Variants in CSMD1 observed in about 807,000 individuals in gnomAD.
CSMD1 encodes the protein CUB and sushi domain-containing protein 1.
A neutral mutation model predicts 417.5 loss-of-function variants in CSMD1; 213 were observed. That is an observed-to-expected ratio of 0.51 (90% confidence interval 0.46 to 0.57). CSMD1 has a LOEUF of 0.57. Among genes scored for constraint, CSMD1 ranks in the 20% least tolerant of loss-of-function variants. CSMD1 has a pLI of 0.00. For missense variants in CSMD1, 6,923 were observed against 4,529.7 expected (o/e 1.53, Z -15.17); for synonymous variants, 2,862 against 1,736.8 (o/e 1.65, Z -16.11).
chr8:3,809,650 C>T (rs1473156607), intron 5 of CSMD1, among the ~76,000 whole-genome samples: 1 of 152,142 alleles, frequency 6.6e-6, no homozygotes, highest in Non-Finnish European at 1.5e-5. Flanking sequence ...AATTCTCATT[C>T]TAACATCAGG....
intron 10 of CSMD1, among the ~76,000 whole-genome samples, chr8:3,502,064 TA>T (rs1290572318): frequency 4.6e-5 from 7 of 152,136 alleles, no homozygotes; most frequent in Non-Finnish European, 8.8e-5. Flanking sequence ...AATAATCATA[TA>T]TCTTGGAATT....
intron 7 of CSMD1, among the ~76,000 whole-genome samples, chr8:3,635,125 C>G (rs954589437): frequency 1.1e-4 from 17 of 152,148 alleles, no homozygotes; most frequent in African/African-American, 4.1e-4. Flanking sequence ...CTCTGGGTGA[C>G]TCAGTAAGTG....
chr8:3,010,554 G>C (rs1024778716), intron 52 of CSMD1, among the ~76,000 whole-genome samples: 4 of 151,998 alleles, frequency 2.6e-5, no homozygotes, highest in African/African-American at 4.8e-5. Context: ...CATCTATGCT[G>C]TTGCCACCAG....
Position 4,250,418 on chromosome 8 carries a change from G to C in CSMD1, c.415+169535C>G, listed in dbSNP as rs187604971. Among the ~76,000 whole-genome samples the C allele has an allele frequency of 1.8e-3, 275 of 152,196 alleles. 2 individuals carry two copies. The highest frequency in any genetic ancestry group is 6.4e-3 in the African/African-American group (267 of 41,514). ...TGCTGGTTGAGGATCCAATATTGTA[G>C]CCACTGCTCCCTGGGGAACATGCGT... is the stretch of plus-strand genomic sequence containing the variant. On this transcript the variant is annotated intron_variant, in intron 3 of 69. Coordinates refer to ENST00000635120, the MANE Select transcript of CSMD1 (RefSeq NM_033225.6).
rs114257631 is a variant in CSMD1 at position 4,511,786 on chromosome 8, A to C, written c.303-91721T>G. On this transcript the variant is annotated intron_variant, in intron 2 of 69. Coordinates refer to ENST00000635120, the MANE Select transcript of CSMD1 (RefSeq NM_033225.6). ...ATGACATTAGTTTTACTCCAAGAGG[A>C]CTCAATCATCAGGGGTCTACACATT... Among the ~76,000 whole-genome samples the C allele has an allele frequency of 1.2e-3, 190 of 152,214 alleles. 1 individual carries two copies. The highest frequency in any genetic ancestry group is 4.5e-3 in the African/African-American group (186 of 41,546).
At chr8:2,977,470 T>C (rs1805024910) in intron 55 of CSMD1, among the ~76,000 whole-genome samples, 1 of 152,242 alleles carries the variant, frequency 6.6e-6, no homozygotes. Context: ...CCACGGTGTG[T>C]ATGTACCACG....
chr8:3,306,308 G>GGATTACA lies in CSMD1; in HGVS notation c.3950+1380_3950+1386dup, dbSNP rs978545597. ...TCTGCCTCAGTATCCTGAGTAGCTG[G>GGATTACA]GATTACAGGTGTGTGCCACCATGCC... On this transcript the variant is annotated intron_variant, in intron 25 of 69. Transcript: ENST00000635120. Among the ~76,000 whole-genome samples the GGATTACA allele has an allele frequency of 2.0e-3, 307 of 152,250 alleles. 2 individuals carry two copies. Among genetic ancestry groups the GGATTACA allele is most frequent in the Non-Finnish European group, 1.8e-3 (121 of 68,026 alleles).
Position 3,182,767 on chromosome 8 carries a change from G to GTGTA in CSMD1, c.5621-1554_5621-1553insTACA, listed in dbSNP as rs1484280746. On this transcript the variant is annotated intron_variant, in intron 36 of 69. Transcript: ENST00000635120. The stretch of plus-strand genomic sequence containing the variant: ...AGAAGCTCTGTGTGTGTGTGTGTGT[G>GTGTA]TATTGTTAGAGAAGTGGTTTCACCG... 3.5e-4 allele frequency among the ~76,000 whole-genome samples: 49 copies of GTGTA among 139,150 alleles called. 2 individuals are homozygous for GTGTA. Among genetic ancestry groups the GTGTA allele is most frequent in the African/African-American group, 1.3e-3 (46 of 34,396 alleles). 91.3% of individuals were successfully genotyped at this position (139,150 alleles called of 152,430 possible).
At chr8:3,708,263 GTTCT>G in intron 7 of CSMD1, 147 bp downstream of exon 7, 1 of 653,378 alleles carries the variant, frequency 1.5e-6, no homozygotes, top group South Asian at 1.9e-5. Flanking sequence ...GTTAGTGCAT[GTTCT>G]TTCTCCCAGA....
intron 23 of CSMD1, among the ~76,000 whole-genome samples, chr8:3,341,556 G>T (rs1041602485): frequency 6.6e-6 from 1 of 152,148 alleles, no homozygotes; most frequent in African/African-American, 2.4e-5. Context: ...CCACAGGAAG[G>T]GAAAAAGTGA....
rs192626975 is a variant in CSMD1 at position 3,913,722 on chromosome 8, G to A, written c.818+84181C>T. Among the ~76,000 whole-genome samples, 21 of 152,234 alleles carry A rather than the reference G, an allele frequency of 1.4e-4. No individual in the cohort carries two copies. The East Asian group carries it at 4.1e-3, about 29-fold the overall frequency. On this transcript the variant is annotated intron_variant, in intron 5 of 69. Coordinates refer to ENST00000635120, the MANE Select transcript of CSMD1 (RefSeq NM_033225.6). ...AGTTTAGATGGAAGCATGCAGGGAA[G>A]GCAGGAGTGGGGAAGGAATGTGGGT...
chr8:4,931,685 A>G (rs1353437946), intron 1 of CSMD1, among the ~76,000 whole-genome samples: 2 of 152,226 alleles, frequency 1.3e-5, no homozygotes, highest in Non-Finnish European at 2.9e-5. Context: ...AAGATTATGT[A>G]AAGCAAAACT....
intron 2 of CSMD1, among the ~76,000 whole-genome samples, chr8:4,536,188 C>A (rs1021964147): frequency 6.6e-6 from 1 of 152,046 alleles, no homozygotes; most frequent in African/African-American, 2.4e-5. Flanking sequence ...TATTTGACTG[C>A]AAATTTTTAA....
intron 42 of CSMD1, chr8:3,112,991 C>T (rs1195698412): frequency 6.6e-6 from 1 of 152,224 alleles, no homozygotes; most frequent in Admixed American, 6.5e-5. Flanking sequence ...GCTGCAGTGG[C>T]ATCAAAGGCA....
intron 5 of CSMD1, among the ~76,000 whole-genome samples, chr8:3,784,172 G>A (rs991822565): frequency 3.9e-5 from 6 of 152,158 alleles, no homozygotes; most frequent in Non-Finnish European, 7.3e-5. Context: ...TAGTAGACAT[G>A]TAAGTGTCAC....
At chr8:4,136,676 T>C (rs1803455668) in intron 3 of CSMD1, among the ~76,000 whole-genome samples, 1 of 152,230 alleles carries the variant, frequency 6.6e-6, no homozygotes, top group South Asian at 2.1e-4. Context: ...GTCTCACAAG[T>C]GTGCTGTGAG....
chr8:4,793,833 AG>A (rs1377216367), intron 1 of CSMD1, among the ~76,000 whole-genome samples: 1 of 63,650 alleles, frequency 1.6e-5, no homozygotes, highest in Non-Finnish European at 5.0e-5. Flanking sequence ...ACCCCAGAAT[AG>A]GAAAAAAAAA....
rs368280056 is a variant in CSMD1, at chr8:2,978,721, A to G, written c.8457T>C (p.Tyr2819=). 2.5e-4 allele frequency: 404 copies of G among 1,613,354 alleles called. No individual in the cohort carries two copies. The highest frequency in any genetic ancestry group is 3.4e-4 in the Non-Finnish European group (397 of 1,179,676). The part of the protein sequence containing the change: ...GQQNFPESFE[Y]GMSILYHCKK... ...TGCAATGGTACAGGATACTCATTCC[A>G]TACTCAAAACTCTCAGGGAAGTTCT... The change falls in exon 55 of 70, where the codon TAT becomes TAC. Residue 2819 remains tyrosine (Y), a synonymous_variant. Coordinates refer to ENST00000635120, the MANE Select transcript of CSMD1 (RefSeq NM_033225.6).
intron 23 of CSMD1, among the ~76,000 whole-genome samples, chr8:3,320,766 C>A (rs1441362257): frequency 6.6e-6 from 1 of 152,176 alleles, no homozygotes; most frequent in Non-Finnish European, 1.5e-5. Context: ...GCCAGCCCAT[C>A]CTCTCTGGGC....
Sources: allele counts gnomAD v4.1 joint callset (sites outside exome capture counted in the v4.1 genomes callset), GRCh38; gene constraint gnomAD v4.1.1; transcripts MANE v1.5; gene names NCBI Gene and HGNC (gene_info 2026-07-23, HGNC 2026-07-21).